The following PCDH9 variants were observed in gnomAD, a reference collection of about 807,000 sequenced individuals.
PCDH9 encodes the protein protocadherin 9.
A neutral mutation model predicts 70.6 loss-of-function variants in PCDH9; 24 were observed. The observed-to-expected ratio is 0.34, with a 90% CI of 0.25 to 0.48. PCDH9 has a LOEUF of 0.48. Ranked by LOEUF, PCDH9 falls within the 20% of genes least tolerant of loss-of-function variation. The pLI is 0.99. For missense variants in PCDH9, 1,281 were observed against 1,503.6 expected, an observed-to-expected ratio of 0.85 and a Z score of 2.45; for synonymous variants, 562 against 558.5, an observed-to-expected ratio of 1.01 and a Z score of -0.09.
At chr13:66,998,455 A>C (rs1398765436) in intron 2 of PCDH9, among the ~76,000 whole-genome samples, 2 of 152,132 alleles carry the variant, frequency 1.3e-5, no homozygotes, top group African/African-American at 2.4e-5. Context: ...CCTACTTCCT[A>C]TTGTGATTCC....
intron 2 of PCDH9, among the ~76,000 whole-genome samples, chr13:66,958,270 G>C (rs886787000): frequency 6.6e-6 from 1 of 152,194 alleles, no homozygotes; most frequent in Non-Finnish European, 1.5e-5. Flanking sequence ...TGTTTACAAA[G>C]TTCAAGGTAT....
At chr13:66,685,522 G>C (rs964919130) in intron 3 of PCDH9, among the ~76,000 whole-genome samples, 1 of 152,206 alleles carries the variant, frequency 6.6e-6, no homozygotes, top group African/African-American at 2.4e-5. Flanking sequence ...GGTGGGGTTG[G>C]AGCCCCCACA....
chr13:66,884,082 T>C (rs1261691239), intron 3 of PCDH9, among the ~76,000 whole-genome samples: 1 of 151,832 alleles, frequency 6.6e-6, no homozygotes, highest in Non-Finnish European at 1.5e-5. Flanking sequence ...GTATTTTTAG[T>C]AGAGATGGTT....
intron 2 of PCDH9, among the ~76,000 whole-genome samples, chr13:67,154,257 A>T (rs1004496905): frequency 6.6e-6 from 1 of 152,076 alleles, no homozygotes; most frequent in African/African-American, 2.4e-5. Context: ...GTTTGACAAA[A>T]GATATGTAAT....
At chr13:66,829,717 C>CAAAAAAAAAAAAAAAAAAAA (rs562176354) in intron 3 of PCDH9, among the ~76,000 whole-genome samples, 12 of 53,128 alleles carry the variant, frequency 2.3e-4, no homozygotes, top group East Asian at 1.7e-3. Flanking sequence ...GACTCCGTCT[C>CAAAAAAAAAAAAAAAAAAAA]AAAAAAAAAA....
intron 2 of PCDH9, among the ~76,000 whole-genome samples, chr13:66,995,102 G>A (rs2084085594): frequency 6.6e-6 from 1 of 152,066 alleles, no homozygotes; most frequent in Non-Finnish European, 1.5e-5. Context: ...ATTTAAACCC[G>A]GAAGGGTAAT....
chr13:66,429,654 A>G (rs973830780), intron 4 of PCDH9, among the ~76,000 whole-genome samples: 1 of 151,874 alleles, frequency 6.6e-6, no homozygotes, highest in African/African-American at 2.4e-5. Context: ...GGAGGACATC[A>G]TTCATAATGT....
At chr13:67,181,437 G>A (rs2088613100) in intron 2 of PCDH9, among the ~76,000 whole-genome samples, 1 of 152,112 alleles carries the variant, frequency 6.6e-6, no homozygotes, top group Middle Eastern at 3.2e-3. Flanking sequence ...AGAGGAATGG[G>A]TAGAAAAATC....
intron 2 of PCDH9, among the ~76,000 whole-genome samples, chr13:67,061,160 C>T (rs527247607): frequency 1.4e-3 from 214 of 152,136 alleles, no homozygotes; most frequent in Admixed American, 3.9e-3. Flanking sequence ...TAAACCTTTT[C>T]TTTCAAATAA....
intron 4 of PCDH9, among the ~76,000 whole-genome samples, chr13:66,404,042 A>G (rs888667293): frequency 3.9e-5 from 6 of 152,194 alleles, no homozygotes; most frequent in African/African-American, 1.4e-4. Flanking sequence ...TTTCTAATAC[A>G]GCTTAAATTT....
At chr13:66,823,650 A>C (rs889058916) in intron 3 of PCDH9, among the ~76,000 whole-genome samples, 4 of 152,022 alleles carry the variant, frequency 2.6e-5, no homozygotes, top group African/African-American at 9.7e-5. Context: ...TTTTCAGGAA[A>C]ATTTATTGGT....
intron 4 of PCDH9, among the ~76,000 whole-genome samples, chr13:66,624,311 C>A (rs936882472): frequency 1.3e-5 from 2 of 152,176 alleles, no homozygotes; most frequent in Non-Finnish European, 2.9e-5. Context: ...AGTTTATGAT[C>A]ATGTTAATGA....
intron 4 of PCDH9, among the ~76,000 whole-genome samples, chr13:66,361,237 C>T (rs1593857555): frequency 6.6e-6 from 1 of 152,136 alleles, no homozygotes; most frequent in Non-Finnish European, 1.5e-5. Flanking sequence ...TACTCCTCCA[C>T]TCACTTTAAA....
chr13:67,080,534 G>T (rs1395446476), intron 2 of PCDH9, among the ~76,000 whole-genome samples: 1 of 152,198 alleles, frequency 6.6e-6, no homozygotes, highest in Middle Eastern at 3.4e-3. Context: ...CACTCTTTAG[G>T]TGTCACTCAG....
intron 4 of PCDH9, among the ~76,000 whole-genome samples, chr13:66,353,398 A>G (rs138167744): frequency 2.2e-4 from 34 of 152,324 alleles, no homozygotes; most frequent in Non-Finnish European, 2.8e-4. Flanking sequence ...ACATCAACTT[A>G]GATAAAAAAC....
chr13:67,093,216 A>G (rs1308530555), intron 2 of PCDH9, among the ~76,000 whole-genome samples: 2 of 152,180 alleles, frequency 1.3e-5, no homozygotes, highest in Admixed American at 6.6e-5. Context: ...GCCCTTTGGG[A>G]AGCCAAGGTC....
chr13:66,506,610 T>A (rs1959218680), intron 4 of PCDH9, among the ~76,000 whole-genome samples: 1 of 152,244 alleles, frequency 6.6e-6, no homozygotes, highest in East Asian at 1.9e-4. Flanking sequence ...GTGAGCAGGT[T>A]ACAGGTCATG....
chr13:66,679,790 A>C (rs1156803092), intron 3 of PCDH9, among the ~76,000 whole-genome samples: 2 of 151,846 alleles, frequency 1.3e-5, no homozygotes, highest in Non-Finnish European at 2.9e-5. Context: ...AATTTCTATA[A>C]TTTTTATATG....
chr13:67,103,955 A>C (rs1445764138), intron 2 of PCDH9, among the ~76,000 whole-genome samples: 1 of 152,208 alleles, frequency 6.6e-6, no homozygotes, highest in African/African-American at 2.4e-5. Context: ...TAACATCAGG[A>C]ATTTCAAGAT....
Sources: gnomAD v4.1 joint callset for allele counts (sites outside exome capture counted in the v4.1 genomes callset) on GRCh38, gnomAD v4.1.1 for gene constraint, MANE v1.5 for transcripts, NCBI Gene and HGNC (gene_info 2026-07-23, HGNC 2026-07-21) for gene names.